LRMDA: variants seen among roughly 807,000 people sequenced by gnomAD.
LRMDA encodes leucine rich melanocyte differentiation associated, also known as leucine-rich melanocyte differentiation-associated protein.
Under a neutral mutation model 29.8 loss-of-function variants are expected in LRMDA, and 18 were observed. The observed-to-expected ratio is 0.60, with a 90% CI of 0.42 to 0.90. The LOEUF (loss-of-function observed/expected upper bound fraction) is 0.90, where lower values mean the gene tolerates loss of function less well. Among genes scored for constraint, LRMDA ranks in the 40% least tolerant of loss-of-function variants. LRMDA has a pLI of 0.00. For missense variants in LRMDA, 273 were observed against 273.9 expected, an observed-to-expected ratio of 1.00 and a Z score of 0.02; for synonymous variants, 125 against 109.4, an observed-to-expected ratio of 1.14 and a Z score of -0.89.
At chr10:76,255,204 A>G (rs1372223776) in intron 5 of LRMDA, among the ~76,000 whole-genome samples, 1 of 152,234 alleles carries the variant, frequency 6.6e-6, no homozygotes, top group East Asian at 1.9e-4. Context: ...TGAAGAATAA[A>G]ATAATTTTAT....
At chr10:76,352,834 G>A (rs577956162) in intron 6 of LRMDA, among the ~76,000 whole-genome samples, 2 of 152,202 alleles carry the variant, frequency 1.3e-5, no homozygotes, top group East Asian at 1.9e-4. Context: ...GGAGGTGGAA[G>A]GACCAGCCCC....
chr10:76,322,596 G>C (rs1327117019), intron 5 of LRMDA, among the ~76,000 whole-genome samples: 1 of 152,236 alleles, frequency 6.6e-6, no homozygotes, highest in Non-Finnish European at 1.5e-5. Context: ...GTGTAGCACA[G>C]TCAGAGATGT....
At chr10:76,356,271 C>T (rs575263278) in intron 6 of LRMDA, among the ~76,000 whole-genome samples, 204 of 152,196 alleles carry the variant, frequency 1.3e-3, no homozygotes, top group South Asian at 2.1e-3. Flanking sequence ...AACCATAGAA[C>T]GCTAGTAAAT....
intron 2 of LRMDA, among the ~76,000 whole-genome samples, chr10:75,576,588 C>G (rs1840508632): frequency 6.6e-6 from 1 of 152,206 alleles, no homozygotes; most frequent in South Asian, 2.1e-4. Flanking sequence ...AGACACCTCC[C>G]AGTAGGGGCC....
intron 2 of LRMDA, among the ~76,000 whole-genome samples, chr10:75,644,765 G>A (rs566808008): frequency 3.9e-5 from 6 of 152,212 alleles, no homozygotes; most frequent in East Asian, 1.9e-4. Flanking sequence ...TATTAAATAC[G>A]TGGCTAGAGG....
At chr10:76,172,576 G>A (rs998406559) in intron 5 of LRMDA, among the ~76,000 whole-genome samples, 2 of 152,212 alleles carry the variant, frequency 1.3e-5, no homozygotes, top group Non-Finnish European at 2.9e-5. Flanking sequence ...TTACTGATCA[G>A]AGCATGATGT....
chr10:76,209,812 G>T (rs911560838), intron 5 of LRMDA, among the ~76,000 whole-genome samples: 1 of 152,130 alleles, frequency 6.6e-6, no homozygotes, highest in African/African-American at 2.4e-5. Flanking sequence ...TATAGCACCA[G>T]CACATGGGGA....
At chr10:76,183,087 C>G (rs555922494) in intron 5 of LRMDA, among the ~76,000 whole-genome samples, 1 of 152,184 alleles carries the variant, frequency 6.6e-6, no homozygotes, top group Non-Finnish European at 1.5e-5. Context: ...AGTCCCCTCT[C>G]ATTTTCCTTG....
intron 5 of LRMDA, among the ~76,000 whole-genome samples, chr10:76,150,735 A>G (rs969629571): frequency 1.3e-5 from 2 of 152,094 alleles, no homozygotes; most frequent in Non-Finnish European, 2.9e-5. Flanking sequence ...CCCTTTGCCT[A>G]TTTATACCGG....
intron 2 of LRMDA, among the ~76,000 whole-genome samples, chr10:76,007,274 T>TA (rs1325572664): frequency 1.4e-5 from 2 of 142,754 alleles, no homozygotes; most frequent in Non-Finnish European, 3.1e-5. Flanking sequence ...CTGCCCACCC[T>TA]CCCCTCCTTC....
At chr10:76,413,845 A>G (rs996641869) in intron 6 of LRMDA, among the ~76,000 whole-genome samples, 3 of 152,334 alleles carry the variant, frequency 2.0e-5, no homozygotes, top group South Asian at 2.1e-4. Flanking sequence ...TGTTACCTAC[A>G]TTTATTGAGC....
At chr10:75,683,660 C>G (rs1842050379) in intron 2 of LRMDA, among the ~76,000 whole-genome samples, 1 of 152,220 alleles carries the variant, frequency 6.6e-6, no homozygotes, top group African/African-American at 2.4e-5. Context: ...CTTTACCTTA[C>G]CTGAAAGCTG....
intron 2 of LRMDA, among the ~76,000 whole-genome samples, chr10:75,714,325 A>G (rs907705623): frequency 5.3e-5 from 8 of 152,364 alleles, no homozygotes; most frequent in Non-Finnish European, 7.3e-5. Flanking sequence ...TTCCTTGTGC[A>G]GATGAAAGGC....
At chr10:76,155,191 C>A (rs1318750408) in intron 5 of LRMDA, among the ~76,000 whole-genome samples, 1 of 151,954 alleles carries the variant, frequency 6.6e-6, no homozygotes, top group Non-Finnish European at 1.5e-5. Context: ...AATATATTAC[C>A]CTTAAGATCA....
chr10:75,927,352 G>A (rs2132396550), intron 2 of LRMDA, among the ~76,000 whole-genome samples: 1 of 152,272 alleles, frequency 6.6e-6, no homozygotes, highest in Middle Eastern at 3.4e-3. Flanking sequence ...TCAGCCTGTA[G>A]AGATCTGCCT....
chr10:75,480,449 G>C (rs1466232524), intron 2 of LRMDA, among the ~76,000 whole-genome samples: 2 of 151,466 alleles, frequency 1.3e-5, no homozygotes, highest in African/African-American at 4.9e-5. Flanking sequence ...AAAGCAGGCG[G>C]CATGTCTGTC....
chr10:76,217,520 G>A (rs1229633984), intron 5 of LRMDA, among the ~76,000 whole-genome samples: 1 of 152,176 alleles, frequency 6.6e-6, no homozygotes, highest in African/African-American at 2.4e-5. Context: ...GTTCCTTGTA[G>A]ATACAGAATA....
At chr10:76,032,831 G>A (rs1356541246) in intron 2 of LRMDA, among the ~76,000 whole-genome samples, 6 of 152,064 alleles carry the variant, frequency 3.9e-5, no homozygotes, top group South Asian at 2.1e-4. Flanking sequence ...CTCAGACATC[G>A]CACTACTCCA....
intron 5 of LRMDA, among the ~76,000 whole-genome samples, chr10:76,202,213 A>C (rs1459365637): frequency 6.6e-6 from 1 of 152,218 alleles, no homozygotes; most frequent in Non-Finnish European, 1.5e-5. Flanking sequence ...CCAGGGACAC[A>C]GATACAGGGA....
Sources: allele counts gnomAD v4.1 joint callset (sites outside exome capture counted in the v4.1 genomes callset), GRCh38; gene constraint gnomAD v4.1.1; transcripts MANE v1.5; gene names NCBI Gene and HGNC (gene_info 2026-07-23, HGNC 2026-07-21).